Variants in XKR4 observed in about 807,000 individuals in gnomAD.
The protein encoded by XKR4 is XK-related protein 4.
Under a neutral mutation model 53.9 loss-of-function variants are expected in XKR4, and 12 were observed. That is an observed-to-expected ratio of 0.22 (90% CI 0.14 to 0.36). XKR4 has a LOEUF of 0.36. XKR4 is among the 10% of genes least tolerant of loss of function. The probability of loss-of-function intolerance (pLI) is 1.00; values close to 1 mark genes in which losing one functional copy is unlikely to be tolerated. For synonymous variants in XKR4, 354 were observed against 362.4 expected (o/e 0.98, Z 0.26); for missense variants, 799 against 859.5 (o/e 0.93, Z 0.88).
intron 1 of XKR4, among the ~76,000 whole-genome samples, chr8:55,279,441 A>C (rs1476889707): frequency 6.6e-6 from 1 of 152,186 alleles, no homozygotes; most frequent in African/African-American, 2.4e-5. Flanking sequence ...GCATTGCTCC[A>C]ACTGCGATGT....
intron 2 of XKR4, chr8:55,517,207 A>C (rs1806725757): frequency 6.6e-6 from 1 of 152,232 alleles, no homozygotes; most frequent in African/African-American, 2.4e-5. Flanking sequence ...GGGTACACAT[A>C]GAAGCCCAGA....
chr8:55,466,161 C>G (rs1805764933), intron 2 of XKR4, among the ~76,000 whole-genome samples: 1 of 152,142 alleles, frequency 6.6e-6, no homozygotes, highest in African/African-American at 2.4e-5. Context: ...GATTATAAAT[C>G]ATGCTGCTAT....
At chr8:55,280,849 T>C (rs576025462) in intron 1 of XKR4, among the ~76,000 whole-genome samples, 6 of 152,202 alleles carry the variant, frequency 3.9e-5, no homozygotes, top group Admixed American at 2.0e-4. Flanking sequence ...CTCTAATATA[T>C]ATAGGTATGA....
chr8:55,447,815 G>A (rs1805368831), intron 2 of XKR4, among the ~76,000 whole-genome samples: 1 of 152,206 alleles, frequency 6.6e-6, no homozygotes, highest in Non-Finnish European at 1.5e-5. Flanking sequence ...TTTCTTTCTA[G>A]CTGAAGAATT....
At chr8:55,152,203 A>T (rs59842375) in intron 1 of XKR4, among the ~76,000 whole-genome samples, 54,736 of 152,040 alleles carry the variant, frequency 0.36, 11,168 homozygotes, top group African/African-American at 0.57. Flanking sequence ...TCTAACATGA[A>T]CTATGTTTAT....
chr8:55,110,828 C>T (rs1400932237), intron 1 of XKR4, among the ~76,000 whole-genome samples: 2 of 151,994 alleles, frequency 1.3e-5, no homozygotes, highest in Non-Finnish European at 2.9e-5. Context: ...CTACTCAAAA[C>T]GTTTGCAGCC....
chr8:55,335,890 C>T lies in XKR4; in HGVS notation c.807-21788C>T, dbSNP rs138857639. Among the ~76,000 whole-genome samples the T allele has an allele frequency of 5.3e-3, 803 of 151,968 alleles. 8 individuals carry two copies. The highest frequency in any genetic ancestry group is 0.018 in the African/African-American group (731 of 41,482). On this transcript the variant is annotated intron_variant, in intron 1 of 2. Transcript: ENST00000327381. ...ACTGTCAAAGTGTAGTGATGGAAAA[C>T]AGATCTGTGGTTGTCAGGGTTAGTG... is the stretch of plus-strand genomic sequence containing the variant.
chr8:55,231,112 A>T (rs1818033379), intron 1 of XKR4, among the ~76,000 whole-genome samples: 1 of 152,206 alleles, frequency 6.6e-6, no homozygotes, highest in Non-Finnish European at 1.5e-5. Context: ...TCTGTATTCA[A>T]ATTGATTGAT....
rs190109859 is a variant in XKR4, at chr8:55,158,698, G to A, written c.806+55404G>A. On this transcript the variant is annotated intron_variant, in intron 1 of 2. Transcript: ENST00000327381. ...GTATATGGTACAAGGAAGGGGTTCC[G>A]TTTCAATCTTCGGCATATGGCTAGC... 3.0e-3 allele frequency among the ~76,000 whole-genome samples: 456 copies of A among 152,290 alleles called. 7 individuals carry two copies. The highest frequency in any genetic ancestry group is 0.019 in the Admixed American group (284 of 15,292).
chr8:55,465,115 T>A (rs1805737765), intron 2 of XKR4, among the ~76,000 whole-genome samples: 1 of 152,100 alleles, frequency 6.6e-6, no homozygotes, highest in African/African-American at 2.4e-5. Flanking sequence ...ATGACTTTCT[T>A]CACAGAATTG....
chr8:55,542,005 T>C lies in XKR4; in HGVS notation c.*17778T>C, dbSNP rs190040490. On this transcript the variant is annotated 3_prime_UTR_variant, in exon 3 of 3. Transcript: ENST00000327381. Reference sequence around the variant, plus strand: ...TAATGAACAAATTTCCTTGGTTACATGGTTTTTCTTGTAAAACTTAAAGAA... The same window carrying C: ...TAATGAACAAATTTCCTTGGTTACACGGTTTTTCTTGTAAAACTTAAAGAA... The C allele has an allele frequency of 1.7e-4, 26 of 152,186 alleles. No homozygotes were observed. The highest frequency in any genetic ancestry group is 5.8e-4 in the African/African-American group (24 of 41,544). 9.4% of individuals were successfully genotyped at this position (152,186 alleles called of 1,614,324 possible).
chr8:55,403,311 T>C (rs745353481), intron 2 of XKR4, among the ~76,000 whole-genome samples: 1 of 152,226 alleles, frequency 6.6e-6, no homozygotes, highest in Non-Finnish European at 1.5e-5. Flanking sequence ...ACCAGCCAAT[T>C]ACTTGGGCTT....
At chr8:55,471,502 A>T (rs1026412943) in intron 2 of XKR4, among the ~76,000 whole-genome samples, 1 of 152,116 alleles carries the variant, frequency 6.6e-6, no homozygotes, top group African/African-American at 2.4e-5. Flanking sequence ...CCTCCCAGGG[A>T]TTCTGGTGTT....
At chr8:55,489,385 A>G (rs1019639060) in intron 2 of XKR4, among the ~76,000 whole-genome samples, 6 of 152,176 alleles carry the variant, frequency 3.9e-5, no homozygotes, top group Admixed American at 6.5e-5. Context: ...ACTGTTTGTC[A>G]ATTTTGCTAC....
chr8:55,513,688 T>G (rs1398100348), intron 2 of XKR4, among the ~76,000 whole-genome samples: 1 of 152,204 alleles, frequency 6.6e-6, no homozygotes, highest in Non-Finnish European at 1.5e-5. Flanking sequence ...TCCATAGGTT[T>G]GTTTGGTTGT....
At position 55,357,720 on chromosome 8, in the gene XKR4, T is replaced by A. The variant is rs763555561; in HGVS notation, c.849T>A (p.Ser283Arg). The A allele has an allele frequency of 1.2e-6, 2 of 1,614,090 alleles. No individual in the cohort carries two copies. Among genetic ancestry groups the A allele is most frequent in the Non-Finnish European group, 1.7e-6 (2 of 1,179,996 alleles). Reference sequence around the variant, plus strand: ...ACTTAGGTATTCGAAGCCGACAGAGTGGGGAGAATGACAGATGGAGGTTTT... The same window carrying A: ...ACTTAGGTATTCGAAGCCGACAGAGAGGGGAGAATGACAGATGGAGGTTTT... ...TIYLGIRSRQ[S>R]GENDRWRFYW... is the part of the protein sequence containing the mutation. Residue 283 changes from serine (S) to arginine (R), a missense_variant, in exon 2 of 3, where the codon AGT (serine) becomes AGA (arginine). Ser to Arg is a moderately radical substitution (Grantham distance 110, BLOSUM62 -1). Transcript: ENST00000327381.
At chr8:55,136,371 C>T (rs191610093) in intron 1 of XKR4, among the ~76,000 whole-genome samples, 23 of 152,326 alleles carry the variant, frequency 1.5e-4, no homozygotes, top group African/African-American at 4.1e-4. Context: ...GAATGAATGA[C>T]TCTTCAAGTA....
chr8:55,530,204 G>T lies in XKR4; in HGVS notation c.*5977G>T, dbSNP rs537838061. The T allele has an allele frequency of 4.8e-5, 6 of 124,090 alleles. No homozygotes were observed. In the South Asian group the frequency reaches 8.1e-4, roughly 17 times the overall value. The allele number at this position is 124,090 out of a possible 1,614,324, so 7.7% of individuals were successfully genotyped here. The stretch of plus-strand genomic sequence containing the variant: ...GGAAGGAAGGAAGGAAGGAAGGAAG[G>T]AAGGAGATTTAACAAGTCTTTGAAG... On this transcript the variant is annotated 3_prime_UTR_variant, in exon 3 of 3. Coordinates refer to ENST00000327381, the MANE Select transcript of XKR4 (RefSeq NM_052898.2).
At chr8:55,124,420 C>T (rs1816434049) in intron 1 of XKR4, among the ~76,000 whole-genome samples, 1 of 152,184 alleles carries the variant, frequency 6.6e-6, no homozygotes, top group Admixed American at 6.5e-5. Flanking sequence ...TTCAAGGTTC[C>T]TTTTAGTTTG....
Sources: gnomAD v4.1 joint callset for allele counts (sites outside exome capture counted in the v4.1 genomes callset) on GRCh38, gnomAD v4.1.1 for gene constraint, MANE v1.5 for transcripts, NCBI Gene and HGNC (gene_info 2026-07-23, HGNC 2026-07-21) for gene names.